The following TBK1 variants were observed in gnomAD, a reference collection of about 807,000 sequenced individuals.
TBK1 encodes TANK binding kinase 1, also known as serine/threonine-protein kinase TBK1.
TBK1 carries 37 observed loss-of-function variants against 99.9 expected under a neutral mutation model. The ratio of observed to expected loss-of-function variants is 0.37; its 90% CI spans 0.28 to 0.49. TBK1 has a LOEUF of 0.49. Ranked by LOEUF, TBK1 falls within the 20% of genes least tolerant of loss-of-function variation. The probability of loss-of-function intolerance (pLI) is 0.98; values close to 1 mark genes in which losing one functional copy is unlikely to be tolerated. For synonymous variants in TBK1, 258 were observed against 279.8 expected (o/e 0.92, Z 0.78); for missense variants, 644 against 872.5 (o/e 0.74, Z 3.30).
At position 64,474,386 on chromosome 12, in the gene TBK1, G is replaced by C. The variant is rs149881816; in HGVS notation, c.697G>C (p.Val233Leu). The part of the protein sequence containing the change: ...PFEGPRRNKE[V>L]MYKIITGKPS... ...TGAAGGGCCTCGTAGGAATAAAGAAGTGATGTAAGTGGTTTCCCGATCTAA... is the reference window on the plus strand; with the variant it reads ...TGAAGGGCCTCGTAGGAATAAAGAACTGATGTAAGTGGTTTCCCGATCTAA... The change falls in exon 6 of 21, where the codon GTG becomes CTG. Residue 233 changes from valine to leucine, a missense_variant. Coordinates refer to ENST00000331710, the MANE Select transcript of TBK1 (RefSeq NM_013254.4). 3 of 1,607,410 alleles carry C rather than the reference G, an allele frequency of 1.9e-6. No homozygotes were observed. Among genetic ancestry groups the C allele is most frequent in the African/African-American group, 1.3e-5 (1 of 74,624 alleles).
At chr12:64,464,693 A>G (rs1434665128) in intron 4 of TBK1, among the ~76,000 whole-genome samples, 2 of 152,140 alleles carry the variant, frequency 1.3e-5, no homozygotes, top group African/African-American at 4.8e-5. Flanking sequence ...TGAGAAAAAA[A>G]TGTTTGTAAA....
Position 64,461,905 on chromosome 12 carries a change from A to C in TBK1, c.228+1576A>C, listed in dbSNP as rs145199024. On this transcript the variant is annotated intron_variant, in intron 3 of 20. Transcript: ENST00000331710. ...AGAGACACAAAGCGTGGAATGTGGGAGGGTTCCAATCTTGAAGCTTCTTTG... is the reference window on the plus strand; with the variant it reads ...AGAGACACAAAGCGTGGAATGTGGGCGGGTTCCAATCTTGAAGCTTCTTTG... 5.9e-5 allele frequency among the ~76,000 whole-genome samples: 9 copies of C among 152,352 alleles called. No homozygotes were observed. The East Asian group carries it at 1.7e-3, about 29-fold the overall frequency.
intron 3 of TBK1, among the ~76,000 whole-genome samples, chr12:64,463,641 G>A (rs567961722): frequency 1.3e-5 from 2 of 148,950 alleles, no homozygotes; most frequent in Admixed American, 6.7e-5. Flanking sequence ...GGAGGTTGCA[G>A]TGAGCCAAGA....
Position 64,474,368 on chromosome 12 carries a change from C to A in TBK1, c.679C>A (p.Pro227Thr). 1 of 1,611,838 alleles carries A rather than the reference C, an allele frequency of 6.2e-7. No homozygotes were observed. Among genetic ancestry groups the A allele is most frequent in the Non-Finnish European group, 8.5e-7 (1 of 1,179,388 alleles). Residue 227 changes from proline to threonine, a missense_variant, in exon 6 of 21, where the codon CCT becomes ACT. Around this residue, in one of 3 missense-constraint regions of TBK1, gnomAD observed 31 missense variants for 82.4 expected, o/e 0.38. Transcript: ENST00000331710. ...ACTGCCATTTAGACCCTTTGAAGGG[C>A]CTCGTAGGAATAAAGAAGTGATGTA... ...GSLPFRPFEG[P>T]RRNKEVMYKI...
At chr12:64,499,716 T>TTTG (rs2040967846) in intron 20 of TBK1, among the ~76,000 whole-genome samples, 2 of 146,818 alleles carry the variant, frequency 1.4e-5, no homozygotes, top group African/African-American at 5.0e-5. Context: ...TTTTTTTTTT[T>TTTG]GAGATGGAGT....
chr12:64,468,757 CAT>C (rs975813876), intron 5 of TBK1, among the ~76,000 whole-genome samples: 13 of 152,106 alleles, frequency 8.5e-5, no homozygotes, highest in African/African-American at 2.7e-4. Context: ...GCAGGAGAAA[CAT>C]AGCCTGGGAA....
chr12:64,492,205 C>G (rs2040876537), intron 13 of TBK1, among the ~76,000 whole-genome samples: 2 of 152,222 alleles, frequency 1.3e-5, no homozygotes, highest in Non-Finnish European at 2.9e-5. Context: ...CCAGGGCCAG[C>G]ATCGTTTGAG....
rs1434222778 is a variant in TBK1 at position 64,476,425 on chromosome 12, TA to T, written c.701+2036del. ...CACCCGCCTCGGCCTCCCAGAGTGCTAGGATCACAAGTGTGAGCCACCACAC... is the reference window on the plus strand; with the variant it reads ...CACCCGCCTCGGCCTCCCAGAGTGCTGGATCACAAGTGTGAGCCACCACAC... On this transcript the variant is annotated intron_variant, in intron 6 of 20. Transcript: ENST00000331710. Among the ~76,000 whole-genome samples the T allele has an allele frequency of 3.3e-5, 5 of 152,290 alleles. No homozygotes were observed. In the East Asian group the frequency reaches 7.7e-4, roughly 24 times the overall value.
At chr12:64,469,392 A>G (rs943524322) in intron 5 of TBK1, among the ~76,000 whole-genome samples, 87 of 152,140 alleles carry the variant, frequency 5.7e-4, no homozygotes, top group African/African-American at 2.0e-3. Context: ...TCTCCGTCCT[A>G]CATGACATTT....
chr12:64,501,202 C>G, intron 20 of TBK1, 128 bp from the exon 21 acceptor site: 1 of 826,564 alleles, frequency 1.2e-6, no homozygotes, highest in Non-Finnish European at 1.9e-6. Context: ...TAGAACAAAT[C>G]ATAGTTACTT....
Position 64,500,753 on chromosome 12 carries a change from C to CTTT in TBK1, c.2139-556_2139-554dup, listed in dbSNP as rs1009756107. On this transcript the variant is annotated intron_variant, in intron 20 of 20. Transcript: ENST00000331710. ...GTATGTCACACTCCCAACTCGGTAT[C>CTTT]TTTTTTTTTTTTTTTTTTTTTTTGA... Among the ~76,000 whole-genome samples the CTTT allele has an allele frequency of 8.0e-3, 792 of 98,878 alleles. 5 individuals carry two copies. The highest frequency in any genetic ancestry group is 0.011 in the Non-Finnish European group (544 of 50,164). 64.9% of individuals were successfully genotyped at this position (98,878 alleles called of 152,430 possible). A position where few individuals can be genotyped will look rare whatever the true frequency, so the allele number is the denominator to read the frequency against.
chr12:64,456,139 G>A (rs942341767), intron 2 of TBK1, among the ~76,000 whole-genome samples, 182 bp downstream of exon 2: 4 of 152,196 alleles, frequency 2.6e-5, no homozygotes, highest in African/African-American at 9.7e-5. Context: ...TCTACCCAGT[G>A]GTGGCACAGG....
chr12:64,472,632 G>T (rs2040673792), intron 5 of TBK1, among the ~76,000 whole-genome samples: 1 of 140,732 alleles, frequency 7.1e-6, no homozygotes, highest in South Asian at 2.4e-4. Context: ...TTTCTTAGAA[G>T]CTCCATCTGT....
At position 64,455,921 on chromosome 12, in the gene TBK1, A is replaced by G. The variant is rs769584803; in HGVS notation, c.51A>G (p.Gln17=). ...GGCTTTTATCTGATATTTTAGGCCA[A>G]GGAGCTACTGCAAATGTCTTTCGTG... ...HLWLLSDILG[Q]GATANVFRGR... is the part of the protein sequence containing the mutation. Residue 17 remains glutamine, a synonymous_variant, in exon 2 of 21, where the codon CAA becomes CAG. Coordinates refer to ENST00000331710, the MANE Select transcript of TBK1 (RefSeq NM_013254.4). 6 of 1,613,884 alleles carry G rather than the reference A, an allele frequency of 3.7e-6. No homozygotes were observed. The Admixed American group carries it at 5.0e-5, about 13-fold the overall frequency.
At chr12:64,491,403 T>G (rs2040868496) in intron 13 of TBK1, among the ~76,000 whole-genome samples, 1 of 152,092 alleles carries the variant, frequency 6.6e-6, no homozygotes, top group Non-Finnish European at 1.5e-5. Flanking sequence ...GATGGATCAC[T>G]TGAGTCCAGG....
chr12:64,455,264 G>A lies in TBK1; in HGVS notation c.-31-576G>A, dbSNP rs2040474505. Among the ~76,000 whole-genome samples the A allele has an allele frequency of 5.9e-5, 9 of 152,214 alleles. No individual in the cohort carries two copies. The South Asian group carries it at 1.9e-3, about 32-fold the overall frequency. On this transcript the variant is annotated intron_variant, in intron 1 of 20. Coordinates refer to ENST00000331710, the MANE Select transcript of TBK1 (RefSeq NM_013254.4). ...GCCTCCAAAAGTGCTGAGATTACAG[G>A]CATGAGCCACTGCTCCCAGCTGAAA...
Position 64,501,413 on chromosome 12 carries a change from T to A in TBK1, c.*32T>A. ...AATAGAAGTTTAAGAAAAGTTTCCGTTTGCACAAGAAAATAACGCTTGGGC... is the reference window on the plus strand; with the variant it reads ...AATAGAAGTTTAAGAAAAGTTTCCGATTGCACAAGAAAATAACGCTTGGGC... On this transcript the variant is annotated 3_prime_UTR_variant, in exon 21 of 21. Coordinates refer to ENST00000331710, the MANE Select transcript of TBK1 (RefSeq NM_013254.4). The A allele has an allele frequency of 6.2e-7, 1 of 1,609,170 alleles. No homozygotes were observed. The highest frequency in any genetic ancestry group is 8.5e-7 in the Non-Finnish European group (1 of 1,177,992).
At chr12:64,483,168 C>A (rs536076185) in intron 8 of TBK1, among the ~76,000 whole-genome samples, 11 of 152,274 alleles carry the variant, frequency 7.2e-5, no homozygotes, top group Non-Finnish European at 1.5e-4. Context: ...TTTTCTGTAA[C>A]ACAAAAGATA....
intron 1 of TBK1, among the ~76,000 whole-genome samples, chr12:64,454,489 C>T (rs527673698): frequency 2.6e-5 from 4 of 152,062 alleles, no homozygotes; most frequent in South Asian, 2.1e-4. Flanking sequence ...CCTTGTGATC[C>T]GCCCGCCTCG....
Sources: allele counts gnomAD v4.1 joint callset (sites outside exome capture counted in the v4.1 genomes callset), GRCh38; gene constraint gnomAD v4.1.1; regional missense constraint gnomAD v4.1.1; transcripts MANE v1.5; gene names NCBI Gene and HGNC (gene_info 2026-07-23, HGNC 2026-07-21).